Variants in CAMK4 observed in about 807,000 individuals in gnomAD.
CAMK4 encodes the protein calcium/calmodulin-dependent protein kinase type IV.
Under a neutral mutation model 44.9 loss-of-function variants are expected in CAMK4, and 22 were observed. The observed-to-expected ratio is 0.49, with a 90% CI of 0.35 to 0.70. The LOEUF is 0.70. Ranked by LOEUF, CAMK4 falls within the 30% of genes least tolerant of loss-of-function variation. The pLI, the probability that CAMK4 is intolerant of heterozygous loss-of-function variation, is 0.01. For synonymous variants in CAMK4, 218 were observed against 215.4 expected, an observed-to-expected ratio of 1.01 and a Z score of -0.11; for missense variants, 498 against 586.8, an observed-to-expected ratio of 0.85 and a Z score of 1.56.
At chr5:111,477,870 A>C (rs1227840813) in intron 8 of CAMK4, among the ~76,000 whole-genome samples, 1 of 152,190 alleles carries the variant, frequency 6.6e-6, no homozygotes, top group East Asian at 1.9e-4. Context: ...GGAGGATTTC[A>C]TAGAATAGGG....
Position 111,324,206 on chromosome 5 carries a change from A to C in CAMK4, c.162-19818A>C, listed in dbSNP as rs1401687191. On this transcript the variant is annotated intron_variant, in intron 1 of 10. Coordinates refer to ENST00000282356, the MANE Select transcript of CAMK4 (RefSeq NM_001744.6). ...TTTAAAATAAGGATGACTTAACCTA[A>C]TTATATCACAAATAATAATAAATAT... Among the ~76,000 whole-genome samples, 3 of 152,000 alleles carry C rather than the reference A, an allele frequency of 2.0e-5. No homozygotes were observed. In the East Asian group the frequency reaches 5.8e-4, roughly 29 times the overall value.
intron 5 of CAMK4, 33 bp from the exon 6 acceptor site, chr5:111,446,653 C>G: frequency 8.9e-7 from 1 of 1,118,204 alleles, no homozygotes; most frequent in South Asian, 1.3e-5. Context: ...AATAGCATTA[C>G]ACAAATGTTA....
intron 1 of CAMK4, among the ~76,000 whole-genome samples, chr5:111,285,162 C>T (rs888798705): frequency 2.0e-5 from 3 of 152,082 alleles, no homozygotes; most frequent in Non-Finnish European, 4.4e-5. Context: ...TTAAAGTGAT[C>T]ATGGTACACT....
chr5:111,368,883 G>A (rs1750897454), intron 2 of CAMK4, among the ~76,000 whole-genome samples: 1 of 151,812 alleles, frequency 6.6e-6, no homozygotes, highest in African/African-American at 2.4e-5. Flanking sequence ...AGCATTCAGA[G>A]AAGCAGAAAT....
At chr5:111,350,993 T>C (rs1346168644) in intron 2 of CAMK4, among the ~76,000 whole-genome samples, 1 of 152,096 alleles carries the variant, frequency 6.6e-6, no homozygotes, top group Non-Finnish European at 1.5e-5. Context: ...GATGTCTCCA[T>C]TAGAGATTTT....
intron 8 of CAMK4, among the ~76,000 whole-genome samples, chr5:111,473,868 G>A (rs982686677): frequency 6.6e-6 from 1 of 152,022 alleles, no homozygotes; most frequent in African/African-American, 2.4e-5. Flanking sequence ...ATTTCTGTTA[G>A]GTTTTCAAGG....
At chr5:111,268,760 T>A (rs188165510) in intron 1 of CAMK4, among the ~76,000 whole-genome samples, 1 of 152,342 alleles carries the variant, frequency 6.6e-6, no homozygotes, top group Non-Finnish European at 1.5e-5. Flanking sequence ...TTCCACTCTA[T>A]TTTAAAGAGA....
chr5:111,446,808 T>G, intron 6 of CAMK4, 32 bp downstream of exon 6: 1 of 1,337,932 alleles, frequency 7.5e-7, no homozygotes. Flanking sequence ...TTGTGACCCC[T>G]TTTTTCAGAG....
At chr5:111,458,126 C>T (rs1294372411) in intron 7 of CAMK4, among the ~76,000 whole-genome samples, 2 of 152,176 alleles carry the variant, frequency 1.3e-5, no homozygotes, top group East Asian at 1.9e-4. Context: ...TGACCATAGC[C>T]CTACTTTCTC....
chr5:111,328,255 T>C (rs1286276470), intron 1 of CAMK4, among the ~76,000 whole-genome samples: 2 of 151,406 alleles, frequency 1.3e-5, no homozygotes, highest in East Asian at 3.9e-4. Flanking sequence ...CAGCACCATT[T>C]ATTAAATAGG....
intron 1 of CAMK4, among the ~76,000 whole-genome samples, chr5:111,321,368 A>T (rs1271990572): frequency 2.0e-5 from 3 of 152,168 alleles, no homozygotes; most frequent in African/African-American, 7.2e-5. Flanking sequence ...TTTTTTAAAA[A>T]CCCTGTTCAG....
chr5:111,274,061 T>C (rs2112588762), intron 1 of CAMK4, among the ~76,000 whole-genome samples: 1 of 152,182 alleles, frequency 6.6e-6, no homozygotes, highest in Non-Finnish European at 1.5e-5. Flanking sequence ...CCCACTCCTT[T>C]CTGCTCACAC....
At chr5:111,460,089 T>C (rs774566561) in intron 7 of CAMK4, among the ~76,000 whole-genome samples, 6 of 152,066 alleles carry the variant, frequency 3.9e-5, no homozygotes, top group Non-Finnish European at 8.8e-5. Flanking sequence ...TTGCTTAAAA[T>C]GTCTTATTTT....
intron 5 of CAMK4, among the ~76,000 whole-genome samples, chr5:111,418,892 G>A (rs181170787): frequency 3.3e-5 from 5 of 152,124 alleles, no homozygotes; most frequent in East Asian, 1.9e-4. Flanking sequence ...GAATAGTGCC[G>A]CAATAAACAT....
chr5:111,345,042 A>G (rs574993822), intron 2 of CAMK4, among the ~76,000 whole-genome samples: 2 of 151,488 alleles, frequency 1.3e-5, no homozygotes, highest in African/African-American at 4.9e-5. Context: ...TTTTGAAGTC[A>G]AATACATTTT....
chr5:111,229,348 C>A (rs1580451890), intron 1 of CAMK4, among the ~76,000 whole-genome samples: 1 of 152,178 alleles, frequency 6.6e-6, no homozygotes, highest in African/African-American at 2.4e-5. Flanking sequence ...GAGAAAGAAA[C>A]CAAGCTCTCT....
intron 1 of CAMK4, among the ~76,000 whole-genome samples, chr5:111,327,158 C>G (rs1644507): frequency 2.8e-5 from 4 of 143,132 alleles, no homozygotes; most frequent in Non-Finnish European, 6.1e-5. Flanking sequence ...TCCCTCCCCC[C>G]TCCCCCAACT....
chr5:111,356,856 C>T (rs1305578032), intron 2 of CAMK4, among the ~76,000 whole-genome samples: 1 of 152,022 alleles, frequency 6.6e-6, no homozygotes, highest in Non-Finnish European at 1.5e-5. Context: ...TTCATCTTCT[C>T]ATTATATCAA....
intron 1 of CAMK4, among the ~76,000 whole-genome samples, chr5:111,267,101 T>C (rs1750282500): frequency 6.6e-6 from 1 of 152,182 alleles, no homozygotes; most frequent in Admixed American, 6.5e-5. Flanking sequence ...CCCTGAATCC[T>C]ATTAATATGA....
Sources: gnomAD v4.1 joint callset for allele counts (sites outside exome capture counted in the v4.1 genomes callset) on GRCh38, gnomAD v4.1.1 for gene constraint, MANE v1.5 for transcripts, NCBI Gene and HGNC (gene_info 2026-07-23, HGNC 2026-07-21) for gene names.